Variants in TMEM41B observed in about 807,000 individuals in gnomAD.
The protein encoded by TMEM41B is protein stasimon.
In TMEM41B, 18 loss-of-function variants were observed where a neutral mutation model predicts 31.9. That is an observed-to-expected ratio of 0.56 (90% CI 0.39 to 0.84). The LOEUF (loss-of-function observed/expected upper bound fraction) is 0.84. Ranked by LOEUF, TMEM41B falls within the 40% of genes least tolerant of loss-of-function variation. The pLI is 0.00. For missense variants in TMEM41B, 322 were observed against 348.0 expected, an observed-to-expected ratio of 0.93 and a Z score of 0.59; for synonymous variants, 144 against 124.3, an observed-to-expected ratio of 1.16 and a Z score of -1.05.
chr11:9,299,581 TACTC>T lies in TMEM41B; in HGVS notation c.238_239+2del. ...TTTTCAGTTTATCTCTCAGTATACT[TACTC>T]ACTAAGCTGAGGAAAATTTTTATAT... On this transcript the variant is annotated splice_donor_variant and coding_sequence_variant, in exon 2 of 7. Coordinates refer to ENST00000528080, the MANE Select transcript of TMEM41B (RefSeq NM_015012.4). LOFTEE classifies it high-confidence loss of function. 6.5e-7 allele frequency: 1 copy of T among 1,544,804 alleles called. No homozygotes were observed. The highest frequency in any genetic ancestry group is 8.9e-7 in the Non-Finnish European group (1 of 1,122,808).
At chr11:9,287,662 A>T (rs1852864828) in intron 5 of TMEM41B, 40 bp downstream of exon 5, 1 of 1,436,306 alleles carries the variant, frequency 7.0e-7, no homozygotes, top group African/African-American at 1.4e-5. Flanking sequence ...CTTCCAATTA[A>T]CAAAGAGTTA....
chr11:9,294,180 CAAAAAAAAAAAAAAAAAAA>C (rs538372314), intron 3 of TMEM41B, among the ~76,000 whole-genome samples: 1 of 73,450 alleles, frequency 1.4e-5, no homozygotes, highest in Non-Finnish European at 2.4e-5. Context: ...GAACCTGTCT[CAAAAAAAAAAAAAAAAAAA>C]AAAAAAAAAA....
rs1196032053 is a variant in TMEM41B, at chr11:9,281,606, T to G, written c.*1818A>C. On this transcript the variant is annotated 3_prime_UTR_variant, in exon 7 of 7. Transcript: ENST00000528080. The stretch of plus-strand genomic sequence containing the variant: ...ATGGGTGAAGGTAAAACTGACAGAG[T>G]ACTTTAGATCAGCTATGTCCTACAG... 1 of 152,196 alleles carries G rather than the reference T, an allele frequency of 6.6e-6. No individual in the cohort carries two copies. Among genetic ancestry groups the G allele is most frequent in the Non-Finnish European group, 1.5e-5 (1 of 68,042 alleles). 9.4% of individuals were successfully genotyped at this position (152,196 alleles called of 1,614,324 possible). A position where few individuals can be genotyped will look rare whatever the true frequency, so the allele number is the denominator to read the frequency against.
rs1259155428 is a variant in TMEM41B, at chr11:9,281,515, T to G, written c.*1909A>C. 1 of 152,202 alleles carries G rather than the reference T, an allele frequency of 6.6e-6. No individual in the cohort carries two copies. The highest frequency in any genetic ancestry group is 1.5e-5 in the Non-Finnish European group (1 of 68,032). The allele number at this position is 152,202 out of a possible 1,614,324, so 9.4% of individuals were successfully genotyped here. Reference sequence around the variant, plus strand: ...GCTTTGAGGATGATTATACCTCTTATAATAAAAACATACAAGGATTTCTCA... The same window carrying G: ...GCTTTGAGGATGATTATACCTCTTAGAATAAAAACATACAAGGATTTCTCA... On this transcript the variant is annotated 3_prime_UTR_variant, in exon 7 of 7. Transcript: ENST00000528080.
At position 9,299,669 on chromosome 11, in the gene TMEM41B, T is replaced by C; in HGVS notation, c.154A>G (p.Met52Val). Residue 52 changes from methionine (M) to valine (V), a missense_variant, in exon 2 of 7, where the codon ATG (methionine) becomes GTG (valine). Around this residue, in one of 3 missense-constraint regions of TMEM41B, gnomAD observed 183 missense variants for 175.3 expected, o/e 1.04. Transcript: ENST00000528080. ...ATGGACACCAATATAAGGAGTGACATTCTTGCTGATCCAGCTTCTACCCAG... is the reference window on the plus strand; with the variant it reads ...ATGGACACCAATATAAGGAGTGACACTCTTGCTGATCCAGCTTCTACCCAG... ...KSWVEAGSARMSLLILVSIFL... is the reference protein window; with the variant it reads ...KSWVEAGSARVSLLILVSIFL... 1 of 1,613,062 alleles carries C rather than the reference T, an allele frequency of 6.2e-7. No homozygotes were observed. Among genetic ancestry groups the C allele is most frequent in the Non-Finnish European group, 8.5e-7 (1 of 1,179,798 alleles).
At position 9,312,268 on chromosome 11, in the gene TMEM41B, C is replaced by T. The variant is rs140053124; in HGVS notation, c.121+2053G>A. On this transcript the variant is annotated intron_variant, in intron 1 of 6. Coordinates refer to ENST00000528080, the MANE Select transcript of TMEM41B (RefSeq NM_015012.4). ...GCACAATGGCTCATGCCTGTAATTCCAGCATTTGGGGAGGCCAAGGCAGGA... is the reference window on the plus strand; with the variant it reads ...GCACAATGGCTCATGCCTGTAATTCTAGCATTTGGGGAGGCCAAGGCAGGA... Among the ~76,000 whole-genome samples the T allele has an allele frequency of 1.9e-4, 29 of 152,352 alleles. 1 individual carries two copies. In the South Asian group the frequency reaches 5.8e-3, roughly 30 times the overall value.
At chr11:9,311,256 A>T (rs1590392321) in intron 1 of TMEM41B, 1 of 1,499,860 alleles carries the variant, frequency 6.7e-7, no homozygotes, top group African/African-American at 1.4e-5. Context: ...GTGAGACTTG[A>T]GGGAAGGACC....
At chr11:9,309,039 G>A (rs1169855376) in intron 1 of TMEM41B, among the ~76,000 whole-genome samples, 1 of 152,068 alleles carries the variant, frequency 6.6e-6, no homozygotes, top group African/African-American at 2.4e-5. Context: ...CTGGAGGTCA[G>A]GAGTTCAAGA....
intron 1 of TMEM41B, among the ~76,000 whole-genome samples, chr11:9,306,129 C>A (rs1012107172): frequency 1.3e-5 from 2 of 151,870 alleles, no homozygotes; most frequent in Admixed American, 6.6e-5. Context: ...CAGGCATGGG[C>A]CACCACCCCC....
chr11:9,297,543 T>C (rs1301800928), intron 2 of TMEM41B, among the ~76,000 whole-genome samples: 1 of 151,942 alleles, frequency 6.6e-6, no homozygotes, highest in Non-Finnish European at 1.5e-5. Flanking sequence ...AATACAAAAA[T>C]TAGCTGGGCA....
intron 2 of TMEM41B, among the ~76,000 whole-genome samples, chr11:9,296,603 C>CAAAAAAAAAA (rs1164835040): frequency 5.9e-5 from 7 of 118,892 alleles, no homozygotes; most frequent in African/African-American, 1.4e-4. Context: ...GACTCCGTCT[C>CAAAAAAAAAA]AAAAAAAAAA....
Position 9,283,387 on chromosome 11 carries a change from G to A in TMEM41B, c.*37C>T, listed in dbSNP as rs1852765226. The A allele has an allele frequency of 1.3e-6, 2 of 1,528,062 alleles. No individual in the cohort carries two copies. Among genetic ancestry groups the A allele is most frequent in the Admixed American group, 1.9e-5 (1 of 53,926 alleles). The allele number at this position is 1,528,062 out of a possible 1,614,324, so 94.7% of individuals were successfully genotyped here. On this transcript the variant is annotated 3_prime_UTR_variant, in exon 7 of 7. Coordinates refer to ENST00000528080, the MANE Select transcript of TMEM41B (RefSeq NM_015012.4). Reference sequence around the variant, plus strand: ...TGGATGCACCTGTTAATCCTGAGATGGTGATGACAGCAAAACTAAAAATCA... The same window carrying A: ...TGGATGCACCTGTTAATCCTGAGATAGTGATGACAGCAAAACTAAAAATCA...
At position 9,287,717 on chromosome 11, in the gene TMEM41B, T is replaced by C. The variant is rs768272345; in HGVS notation, c.552A>G (p.Val184=). The C allele has an allele frequency of 4.3e-6, 7 of 1,610,012 alleles. No homozygotes were observed. Among genetic ancestry groups the C allele is most frequent in the Middle Eastern group, 1.7e-4 (1 of 6,050 alleles). ...ACATGTTTACCTGCTGTGACCATTT[T>C]ACTGCTTTCTCTGTTAGGTATTTGT... is the stretch of plus-strand genomic sequence containing the variant. ...VVYKYLTEKA[V]KWSQQVERHR... Residue 184 remains valine (V), a synonymous_variant, in exon 5 of 7, where the codon GTA becomes GTG. Transcript: ENST00000528080.
At position 9,280,767 on chromosome 11, in the gene TMEM41B, G is replaced by A. The variant is rs896471045; in HGVS notation, c.*2657C>T. On this transcript the variant is annotated 3_prime_UTR_variant, in exon 7 of 7. Transcript: ENST00000528080. ...GCTCCAGAGAAAGACAGTTAACTAA[G>A]AAAGAACAGTTTCACTTTCTTAGCT... The A allele has an allele frequency of 1.9e-4, 29 of 152,292 alleles. No individual in the cohort carries two copies. Among genetic ancestry groups the A allele is most frequent in the African/African-American group, 6.5e-4 (27 of 41,574 alleles). The allele number at this position is 152,292 out of a possible 1,614,324, so 9.4% of individuals were successfully genotyped here.
At chr11:9,306,237 C>A (rs1853391659) in intron 1 of TMEM41B, among the ~76,000 whole-genome samples, 1 of 151,820 alleles carries the variant, frequency 6.6e-6, no homozygotes, top group Non-Finnish European at 1.5e-5. Context: ...CCTCAACCTC[C>A]CAAAGTGCTA....
In TMEM41B at chr11:9,299,711, AAAAG is replaced by A; in HGVS notation, c.122-14_122-11del. The A allele has an allele frequency of 1.3e-6, 2 of 1,540,954 alleles. No homozygotes were observed. Among genetic ancestry groups the A allele is most frequent in the Non-Finnish European group, 1.8e-6 (2 of 1,122,000 alleles). On this transcript the variant is annotated splice_polypyrimidine_tract_variant and intron_variant, in intron 1 of 6. Coordinates refer to ENST00000528080, the MANE Select transcript of TMEM41B (RefSeq NM_015012.4). Reference sequence around the variant, plus strand: ...TCTACCCAGGATTTTTCTGGAAGAAAAAAGAAAGTATAATTAAGATAAATATAAA... The same window carrying A: ...TCTACCCAGGATTTTTCTGGAAGAAAAAAGTATAATTAAGATAAATATAAA...
chr11:9,291,062 G>C (rs1324849445), intron 3 of TMEM41B, among the ~76,000 whole-genome samples: 1 of 152,096 alleles, frequency 6.6e-6, no homozygotes, highest in African/African-American at 2.4e-5. Flanking sequence ...GTTGTAGTGA[G>C]CCGAGATCAT....
At chr11:9,308,700 A>AC (rs1467470830) in intron 1 of TMEM41B, among the ~76,000 whole-genome samples, 1 of 151,868 alleles carries the variant, frequency 6.6e-6, no homozygotes, top group Admixed American at 6.6e-5. Context: ...CTCTATTCCT[A>AC]CTCTTTCTTC....
At chr11:9,296,897 T>G (rs947432434) in intron 2 of TMEM41B, among the ~76,000 whole-genome samples, 1 of 152,190 alleles carries the variant, frequency 6.6e-6, no homozygotes. Flanking sequence ...TTGTGTTTCA[T>G]GCATATTATG....
Sources: gnomAD v4.1 joint callset for allele counts (sites outside exome capture counted in the v4.1 genomes callset) on GRCh38, gnomAD v4.1.1 for gene constraint, gnomAD v4.1.1 regional missense constraint, MANE v1.5 for transcripts, NCBI Gene and HGNC (gene_info 2026-07-23, HGNC 2026-07-21) for gene names.